JARID2: variants seen among roughly 807,000 people sequenced by gnomAD.
JARID2 encodes protein Jumonji.
JARID2 carries 21 observed loss-of-function variants against 125.6 expected under a neutral mutation model. The observed-to-expected ratio is 0.17, with a 90% confidence interval of 0.12 to 0.24. The LOEUF (loss-of-function observed/expected upper bound fraction) is 0.24. Ranked by LOEUF, JARID2 falls within the 10% of genes least tolerant of loss-of-function variation. The pLI, the probability that JARID2 is intolerant of heterozygous loss-of-function variation, is 1.00. For synonymous variants in JARID2, 736 were observed against 661.6 expected, an observed-to-expected ratio of 1.11 and a Z score of -1.73; for missense variants, 1,303 against 1,639.6, an observed-to-expected ratio of 0.79 and a Z score of 3.55.
At chr6:15,469,905 G>A (rs1177541368) in intron 5 of JARID2, among the ~76,000 whole-genome samples, 2 of 152,102 alleles carry the variant, frequency 1.3e-5, no homozygotes, top group African/African-American at 2.4e-5. Flanking sequence ...GAGGCTGGGC[G>A]AGGTGGCTCA....
At position 15,496,677 on chromosome 6, in the gene JARID2, C is replaced by CGTGAAGAAGGAA; in HGVS notation, c.1456_1467dup (p.Lys486_Val489dup). On this transcript the variant is annotated inframe_insertion, in exon 7 of 18. Transcript: ENST00000341776. ...CCGAGAGAGGTCTGCTGAACGGACA[C>CGTGAAGAAGGAA]GTGAAGAAGGAAGTGCCGGAGCGCA... 1 of 1,612,994 alleles carries CGTGAAGAAGGAA rather than the reference C, an allele frequency of 6.2e-7. No individual in the cohort carries two copies. Among genetic ancestry groups the CGTGAAGAAGGAA allele is most frequent in the Non-Finnish European group, 8.5e-7 (1 of 1,179,900 alleles).
intron 1 of JARID2, among the ~76,000 whole-genome samples, chr6:15,278,826 T>G (rs561563071): frequency 2.6e-4 from 39 of 152,270 alleles, no homozygotes; most frequent in Middle Eastern, 3.4e-3. Context: ...CCCAGCACTT[T>G]GAGAGGCTGA....
intron 6 of JARID2, 103 bp downstream of exon 6, chr6:15,487,645 T>A: frequency 9.5e-7 from 1 of 1,050,432 alleles, no homozygotes. Context: ...AAGCAGGAGG[T>A]GATGCCCAGA....
At chr6:15,312,907 C>G (rs1397342830) in intron 1 of JARID2, among the ~76,000 whole-genome samples, 1 of 152,172 alleles carries the variant, frequency 6.6e-6, no homozygotes, top group Non-Finnish European at 1.5e-5. Context: ...CTCACCACCC[C>G]ACTAGGGGAC....
At chr6:15,509,785 G>T (rs1307866658) in intron 12 of JARID2, among the ~76,000 whole-genome samples, 1 of 152,210 alleles carries the variant, frequency 6.6e-6, no homozygotes, top group Non-Finnish European at 1.5e-5. Context: ...ATGGCTTGAC[G>T]TTGAGTCACA....
intron 1 of JARID2, among the ~76,000 whole-genome samples, chr6:15,309,279 C>T (rs1215529795): frequency 2.0e-5 from 3 of 151,978 alleles, no homozygotes; most frequent in African/African-American, 7.2e-5. Flanking sequence ...TCAGGTGCCT[C>T]ATTATTCTCT....
At chr6:15,272,599 T>C (rs1760339993) in intron 1 of JARID2, among the ~76,000 whole-genome samples, 1 of 152,170 alleles carries the variant, frequency 6.6e-6, no homozygotes, top group Non-Finnish European at 1.5e-5. Flanking sequence ...ACAAAGCAGG[T>C]AAAGGGGCCA....
intron 2 of JARID2, among the ~76,000 whole-genome samples, chr6:15,377,422 C>G (rs758059671): frequency 1.4e-4 from 21 of 152,162 alleles, no homozygotes; most frequent in Non-Finnish European, 2.5e-4. Flanking sequence ...AGATACAATT[C>G]AAGTTGAGAT....
Position 15,507,337 on chromosome 6 carries a change from C to T in JARID2, c.2661-9C>T. On this transcript the variant is annotated splice_polypyrimidine_tract_variant and intron_variant, in intron 10 of 17. Coordinates refer to ENST00000341776, the MANE Select transcript of JARID2 (RefSeq NM_004973.4). Reference sequence around the variant, plus strand: ...CAGTTTGTAACGTCCCTCGTCTTCCCCTTTGCAGGCATGGATGGAACCTCA... The same window carrying T: ...CAGTTTGTAACGTCCCTCGTCTTCCTCTTTGCAGGCATGGATGGAACCTCA... 1 of 1,613,584 alleles carries T rather than the reference C, an allele frequency of 6.2e-7. No individual in the cohort carries two copies. Among genetic ancestry groups the T allele is most frequent in the Non-Finnish European group, 8.5e-7 (1 of 1,179,550 alleles).
chr6:15,483,317 CAG>C (rs1440964471), intron 5 of JARID2, among the ~76,000 whole-genome samples: 1 of 151,580 alleles, frequency 6.6e-6, no homozygotes, highest in East Asian at 1.9e-4. Context: ...TATGTGTGCT[CAG>C]GGGCCATGAT....
intron 1 of JARID2, among the ~76,000 whole-genome samples, chr6:15,340,926 A>G (rs1763048388): frequency 6.6e-6 from 1 of 152,184 alleles, no homozygotes; most frequent in African/African-American, 2.4e-5. Context: ...TTCTCTGCAT[A>G]GTAATTTAAA....
intron 3 of JARID2, among the ~76,000 whole-genome samples, chr6:15,434,083 C>G (rs767258201): frequency 6.6e-6 from 1 of 151,866 alleles, no homozygotes. Flanking sequence ...GGAATCTGCC[C>G]GTAAAACACA....
intron 2 of JARID2, among the ~76,000 whole-genome samples, chr6:15,404,993 C>T (rs1334027964): frequency 2.0e-5 from 3 of 151,188 alleles, no homozygotes; most frequent in East Asian, 1.9e-4. Context: ...TTTTTTTTTC[C>T]AGATATTAGA....
chr6:15,374,203 G>T lies in JARID2; in HGVS notation c.132G>T (p.Gln44His). 1 of 1,614,148 alleles carries T rather than the reference G, an allele frequency of 6.2e-7. No individual in the cohort carries two copies. Among genetic ancestry groups the T allele is most frequent in the Non-Finnish European group, 8.5e-7 (1 of 1,179,998 alleles). ...YLSLKEFKNS[Q>H]KRQHAEGIAG... ...CTCTGAAGGAGTTCAAGAATTCCCA[G>T]AAGAGGCAGCATGCGGAAGGCATTG... Residue 44 changes from glutamine (Q) to histidine (H), a missense_variant, in exon 2 of 18, where the codon CAG becomes CAT. Gln to His is a conservative substitution (Grantham distance 24). This residue lies in a region of JARID2 where 93 missense variants were observed against 120.4 expected (regional missense o/e 0.77). Coordinates refer to ENST00000341776, the MANE Select transcript of JARID2 (RefSeq NM_004973.4).
At chr6:15,313,599 C>T (rs1762086351) in intron 1 of JARID2, among the ~76,000 whole-genome samples, 1 of 152,148 alleles carries the variant, frequency 6.6e-6, no homozygotes, top group African/African-American at 2.4e-5. Flanking sequence ...TCCTTGAGAG[C>T]ACTGTGGAAT....
chr6:15,465,634 C>T (rs1426263361), intron 4 of JARID2, among the ~76,000 whole-genome samples: 1 of 151,212 alleles, frequency 6.6e-6, no homozygotes, highest in Admixed American at 6.6e-5. Context: ...CATGCTGCTT[C>T]TCTAATGTTT....
intron 1 of JARID2, among the ~76,000 whole-genome samples, chr6:15,292,658 T>A (rs1761270831): frequency 6.6e-6 from 1 of 152,148 alleles, no homozygotes; most frequent in Non-Finnish European, 1.5e-5. Context: ...AAGTTTAAGT[T>A]GTAATATTAT....
At chr6:15,497,457 C>G (rs377446902) in intron 7 of JARID2, among the ~76,000 whole-genome samples, 1 of 151,928 alleles carries the variant, frequency 6.6e-6, no homozygotes, top group Non-Finnish European at 1.5e-5. Flanking sequence ...GTCAGGAGAT[C>G]GAGATCACGG....
intron 1 of JARID2, among the ~76,000 whole-genome samples, chr6:15,366,901 CTATGT>C (rs1327738724): frequency 1.3e-5 from 2 of 151,882 alleles, no homozygotes; most frequent in African/African-American, 4.8e-5. Flanking sequence ...CCTGCTATGT[CTATGT>C]TATATTTGTT....
Sources: allele counts gnomAD v4.1 joint callset (sites outside exome capture counted in the v4.1 genomes callset), GRCh38; gene constraint gnomAD v4.1.1; regional missense constraint gnomAD v4.1.1; transcripts MANE v1.5; gene names NCBI Gene and HGNC (gene_info 2026-07-23, HGNC 2026-07-21).